Variants in CLASP1 observed in about 807,000 individuals in gnomAD.
CLASP1 encodes CLIP-associating protein 1.
CLASP1 carries 38 observed loss-of-function variants against 192.3 expected under a neutral mutation model. The observed-to-expected ratio is 0.20, with a 90% CI of 0.15 to 0.26. The LOEUF (loss-of-function observed/expected upper bound fraction) is 0.26. Among genes scored for constraint, CLASP1 ranks in the 10% least tolerant of loss-of-function variants. The pLI, the probability that CLASP1 is intolerant of heterozygous loss-of-function variation, is 1.00. For synonymous variants in CLASP1, 691 were observed against 712.8 expected, an observed-to-expected ratio of 0.97 and a Z score of 0.49; for missense variants, 1,433 against 1,932.5, an observed-to-expected ratio of 0.74 and a Z score of 4.85.
chr2:121,365,375 G>C, intron 35 of CLASP1, 91 bp from the exon 37 acceptor site: 1 of 1,221,528 alleles, frequency 8.2e-7, no homozygotes, highest in Non-Finnish European at 1.2e-6. Context: ...TTCCCTTCCT[G>C]CCTCCTCTCC....
intron 30 of CLASP1, among the ~76,000 whole-genome samples, chr2:121,396,403 C>T (rs529454746): frequency 2.0e-5 from 3 of 152,322 alleles, no homozygotes; most frequent in South Asian, 2.1e-4. Flanking sequence ...ATATATCCAA[C>T]GTTCTATTTA....
At chr2:121,446,184 T>C (rs756291667) in intron 19 of CLASP1, among the ~76,000 whole-genome samples, 5 of 152,230 alleles carry the variant, frequency 3.3e-5, no homozygotes, top group Non-Finnish European at 5.9e-5. Flanking sequence ...AGAACACATA[T>C]CTTTCAAATT....
At chr2:121,475,794 A>G (rs1198736180) in intron 8 of CLASP1, among the ~76,000 whole-genome samples, 1 of 152,206 alleles carries the variant, frequency 6.6e-6, no homozygotes, top group Non-Finnish European at 1.5e-5. Flanking sequence ...GCCCACAGAA[A>G]TAATTAATTG....
At chr2:121,384,967 G>A (rs1052643070) in intron 32 of CLASP1, among the ~76,000 whole-genome samples, 5 of 152,014 alleles carry the variant, frequency 3.3e-5, no homozygotes, top group Admixed American at 3.3e-4. Flanking sequence ...ACACTGTCTG[G>A]TCAAGATAAC....
chr2:121,338,070 T>C (rs1162841421), exon 40 of CLASP1: 4 of 152,526 alleles, frequency 2.6e-5, no homozygotes, highest in Non-Finnish European at 2.9e-5. Context: ...AGCACTTCTT[T>C]ATTTCCAAAC....
intron 22 of CLASP1, among the ~76,000 whole-genome samples, chr2:121,419,766 T>C (rs1332368761): frequency 6.6e-6 from 1 of 152,154 alleles, no homozygotes; most frequent in Admixed American, 6.5e-5. Context: ...GTATACTGAA[T>C]ACATGTAGGT....
intron 8 of CLASP1, among the ~76,000 whole-genome samples, chr2:121,475,784 G>A (rs972164544): frequency 1.3e-5 from 2 of 152,086 alleles, no homozygotes; most frequent in South Asian, 4.1e-4. Flanking sequence ...TTCTCTTTAA[G>A]CCCACAGAAA....
chr2:121,552,137 T>A (rs1280796305), intron 2 of CLASP1, among the ~76,000 whole-genome samples: 1 of 152,190 alleles, frequency 6.6e-6, no homozygotes, highest in Non-Finnish European at 1.5e-5. Context: ...TGGCTAGCCA[T>A]CTGCAGAAGA....
At chr2:121,393,812 G>A (rs562580692) in intron 30 of CLASP1, among the ~76,000 whole-genome samples, 1 of 151,488 alleles carries the variant, frequency 6.6e-6, no homozygotes, top group Non-Finnish European at 1.5e-5. Context: ...TGCTTTACTA[G>A]TTAGTGCTGA....
chr2:121,575,453 A>C (rs771815732), intron 2 of CLASP1, among the ~76,000 whole-genome samples: 10 of 152,236 alleles, frequency 6.6e-5, no homozygotes, highest in Non-Finnish European at 1.3e-4. Flanking sequence ...GGGAGGCTTT[A>C]GAGCTAATTG....
At chr2:121,461,233 C>T (rs918763224) in intron 10 of CLASP1, 40 bp from the exon 11 acceptor site, 2 of 1,048,176 alleles carry the variant, frequency 1.9e-6, no homozygotes, top group Non-Finnish European at 2.8e-6. Flanking sequence ...TAAAAACATG[C>T]AGAATAAACA....
rs555962264 is a variant in CLASP1 at position 121,598,325 on chromosome 2, C to G, written c.195+7376G>C. ...TAGCAGTAAGCTAACAGAATTCAAA[C>G]TGATCCCAATATGAGTCTGAGTGAG... On this transcript the variant is annotated intron_variant, in intron 2 of 39. Coordinates refer to ENST00000263710, the Ensembl canonical transcript of CLASP1. Among the ~76,000 whole-genome samples the G allele has an allele frequency of 2.0e-5, 3 of 152,356 alleles. No individual in the cohort carries two copies. In the South Asian group the frequency reaches 6.2e-4, roughly 32 times the overall value.
intron 1 of CLASP1, among the ~76,000 whole-genome samples, chr2:121,607,340 A>G (rs1247312620): frequency 1.3e-5 from 2 of 152,316 alleles, no homozygotes; most frequent in South Asian, 2.1e-4. Flanking sequence ...CTCTGTCTCA[A>G]AAAAAGAGAA....
At chr2:121,481,573 T>A (rs2092601418) in intron 8 of CLASP1, among the ~76,000 whole-genome samples, 1 of 152,234 alleles carries the variant, frequency 6.6e-6, no homozygotes, top group Non-Finnish European at 1.5e-5. Flanking sequence ...GTGGAATCAA[T>A]GTTTTAAACT....
chr2:121,645,108 C>T (rs2106366487), intron 1 of CLASP1, among the ~76,000 whole-genome samples: 1 of 152,278 alleles, frequency 6.6e-6, no homozygotes, highest in Admixed American at 6.5e-5. Flanking sequence ...AACTAGACTG[C>T]AAGCCCCTGA....
chr2:121,414,644 G>C (rs559047553), intron 23 of CLASP1, among the ~76,000 whole-genome samples: 1 of 152,238 alleles, frequency 6.6e-6, no homozygotes, highest in South Asian at 2.1e-4. Context: ...ATGCAACCAT[G>C]CACCAAAAAC....
intron 8 of CLASP1, among the ~76,000 whole-genome samples, chr2:121,494,977 G>A (rs1002148586): frequency 1.3e-5 from 2 of 151,892 alleles, no homozygotes; most frequent in African/African-American, 2.4e-5. Context: ...AGCCAAGATC[G>A]CACCACTGCA....
At position 121,531,002 on chromosome 2, in the gene CLASP1, G is replaced by A. The variant is rs750459950; in HGVS notation, c.196-677C>T. On this transcript the variant is annotated intron_variant, in intron 2 of 39. Coordinates refer to ENST00000263710, the Ensembl canonical transcript of CLASP1. ...TTTGCTTTATTTTGGTGCAATTTTTGGAAAAATGAAAACCTGTTTTCATAG... is the reference window on the plus strand; with the variant it reads ...TTTGCTTTATTTTGGTGCAATTTTTAGAAAAATGAAAACCTGTTTTCATAG... 5.4e-5 allele frequency: 38 copies of A among 699,986 alleles called. No individual in the cohort carries two copies. Among genetic ancestry groups the A allele is most frequent in the African/African-American group, 1.2e-4 (7 of 57,112 alleles). 43.4% of individuals were successfully genotyped at this position (699,986 alleles called of 1,614,324 possible). A position where few individuals can be genotyped will look rare whatever the true frequency, so the allele number is the denominator to read the frequency against.
rs192184194 is a variant in CLASP1 at position 121,504,181 on chromosome 2, G to A, written c.645-947C>T. ...CGGGAGACAGAGGCTGCAATGAGCC[G>A]AGACCGTGCCACTGCACTCCAGCCT... On this transcript the variant is annotated intron_variant, in intron 7 of 39. Coordinates refer to ENST00000263710, the Ensembl canonical transcript of CLASP1. Among the ~76,000 whole-genome samples, 315 of 151,280 alleles carry A rather than the reference G, an allele frequency of 2.1e-3. 1 individual carries two copies. Among genetic ancestry groups the A allele is most frequent in the African/African-American group, 7.1e-3 (292 of 41,164 alleles).
Sources: gnomAD v4.1 joint callset for allele counts (sites outside exome capture counted in the v4.1 genomes callset) on GRCh38, gnomAD v4.1.1 for gene constraint, MANE v1.5 for transcripts, NCBI Gene and HGNC (gene_info 2026-07-23, HGNC 2026-07-21) for gene names.